The following BNC2 variants were observed in gnomAD, a reference collection of about 807,000 sequenced individuals.
The protein encoded by BNC2 is zinc finger protein basonuclin-2.
A neutral mutation model predicts 76.3 loss-of-function variants in BNC2; 20 were observed. The observed-to-expected ratio is 0.26, with a 90% CI of 0.18 to 0.38. The LOEUF (loss-of-function observed/expected upper bound fraction) is 0.38, where lower values mean the gene tolerates loss of function less well. Ranked by LOEUF, BNC2 falls within the 10% of genes least tolerant of loss-of-function variation. The probability of loss-of-function intolerance (pLI) is 1.00; values close to 1 mark genes in which losing one functional copy is unlikely to be tolerated. For missense variants in BNC2, 1,382 were observed against 1,399.8 expected, an observed-to-expected ratio of 0.99 and a Z score of 0.20; for synonymous variants, 582 against 514.8, an observed-to-expected ratio of 1.13 and a Z score of -1.77.
chr9:16,752,309 A>G (rs1029433808), intron 1 of BNC2, among the ~76,000 whole-genome samples: 8 of 152,326 alleles, frequency 5.3e-5, no homozygotes, highest in African/African-American at 1.7e-4. Context: ...CTTCCTTTTT[A>G]GATAGTCCAA....
chr9:16,429,904 A>C (rs751979188), intron 6 of BNC2: 2 of 507,208 alleles, frequency 3.9e-6, no homozygotes, highest in African/African-American at 3.9e-5. Flanking sequence ...GGCCAGCAGG[A>C]GGTCATTAGG....
chr9:16,596,537 G>T (rs1425937868), intron 3 of BNC2, among the ~76,000 whole-genome samples: 1 of 152,110 alleles, frequency 6.6e-6, no homozygotes, highest in African/African-American at 2.4e-5. Flanking sequence ...GATCTATGGA[G>T]ACATTTGGGA....
intron 3 of BNC2, among the ~76,000 whole-genome samples, chr9:16,610,799 T>C (rs1820523406): frequency 6.6e-6 from 1 of 152,168 alleles, no homozygotes; most frequent in Non-Finnish European, 1.5e-5. Context: ...TGCATACCCA[T>C]TTTCAAGATG....
intron 3 of BNC2, among the ~76,000 whole-genome samples, chr9:16,657,267 G>A (rs1013183618): frequency 6.6e-6 from 1 of 152,232 alleles, no homozygotes; most frequent in African/African-American, 2.4e-5. Flanking sequence ...ATACAAAGAT[G>A]AACTAGAAAA....
chr9:16,607,047 G>A (rs1041290328), intron 3 of BNC2, among the ~76,000 whole-genome samples: 19 of 151,816 alleles, frequency 1.3e-4, no homozygotes, highest in African/African-American at 4.1e-4. Flanking sequence ...TCCTGGGCTC[G>A]GGCGATCTTC....
Position 16,412,511 on chromosome 9 carries a change from T to G in BNC2, c.*6478A>C, listed in dbSNP as rs1267883056. The stretch of plus-strand genomic sequence containing the variant: ...ACCCATTACTCTCAAGATGGAATTG[T>G]TAACACTTAAGTTTTCAAAGAAGCA... On this transcript the variant is annotated 3_prime_UTR_variant, in exon 7 of 7. Coordinates refer to ENST00000380672, the MANE Select transcript of BNC2 (RefSeq NM_017637.6). 6.6e-6 allele frequency: 1 copy of G among 152,590 alleles called. No homozygotes were observed. Among genetic ancestry groups the G allele is most frequent in the East Asian group, 1.9e-4 (1 of 5,186 alleles). The allele number at this position is 152,590 out of a possible 1,614,324, so 9.5% of individuals were successfully genotyped here.
intron 3 of BNC2, among the ~76,000 whole-genome samples, chr9:16,629,657 C>T (rs1430501172): frequency 6.6e-6 from 1 of 152,120 alleles, no homozygotes; most frequent in Non-Finnish European, 1.5e-5. Context: ...TAAACCAAGT[C>T]ACATGATTTT....
rs1217549472 is a variant in BNC2 at position 16,417,775 on chromosome 9, G to T, written c.*1214C>A. The T allele has an allele frequency of 6.6e-6, 1 of 152,630 alleles. No individual in the cohort carries two copies. Among genetic ancestry groups the T allele is most frequent in the Non-Finnish European group, 1.5e-5 (1 of 68,038 alleles). 9.5% of individuals were successfully genotyped at this position (152,630 alleles called of 1,614,324 possible). ...CCTGAAATATTATCCTGCCTCTGAA[G>T]AATAAATGCCTTGGCTGTTTCACAC... is the stretch of plus-strand genomic sequence containing the variant. On this transcript the variant is annotated 3_prime_UTR_variant, in exon 7 of 7. Coordinates refer to ENST00000380672, the MANE Select transcript of BNC2 (RefSeq NM_017637.6).
At chr9:16,729,309 T>G (rs1824440511) in intron 2 of BNC2, among the ~76,000 whole-genome samples, 1 of 152,210 alleles carries the variant, frequency 6.6e-6, no homozygotes, top group Non-Finnish European at 1.5e-5. Flanking sequence ...TAAGGAACAT[T>G]AATCTTCAAC....
intron 3 of BNC2, among the ~76,000 whole-genome samples, chr9:16,638,555 G>A (rs1012233979): frequency 2.6e-5 from 4 of 151,992 alleles, no homozygotes; most frequent in Non-Finnish European, 4.4e-5. Context: ...TCAGGCTCAG[G>A]TTCTCCCCTG....
chr9:16,663,930 C>T (rs912727780), intron 3 of BNC2, among the ~76,000 whole-genome samples: 13 of 152,134 alleles, frequency 8.5e-5, no homozygotes, highest in Admixed American at 1.3e-4. Flanking sequence ...TAAAGTCTTG[C>T]TATATTAAAT....
At chr9:16,680,951 T>C (rs1459096519) in intron 3 of BNC2, among the ~76,000 whole-genome samples, 1 of 152,140 alleles carries the variant, frequency 6.6e-6, no homozygotes, top group Non-Finnish European at 1.5e-5. Flanking sequence ...TCAAACCAAA[T>C]AAGTTGAATT....
rs566188033 is a variant in BNC2 at position 16,844,920 on chromosome 9, G to C, written c.3+25726C>G. Among the ~76,000 whole-genome samples, 12 of 152,270 alleles carry C rather than the reference G, an allele frequency of 7.9e-5. No homozygotes were observed. In the East Asian group the frequency reaches 2.3e-3, roughly 29 times the overall value. On this transcript the variant is annotated intron_variant, in intron 1 of 6. Coordinates refer to ENST00000380672, the MANE Select transcript of BNC2 (RefSeq NM_017637.6). ...GCAATCCTGATGCTGCAGTGTCCCT[G>C]ACCCACTAAATAGCAGGAGGCAGCC...
intron 5 of BNC2, among the ~76,000 whole-genome samples, chr9:16,550,210 A>G (rs1053402314): frequency 9.2e-5 from 14 of 152,190 alleles, no homozygotes; most frequent in Non-Finnish European, 1.8e-4. Context: ...GAAGGCTCTG[A>G]ATGCGGCCCA....
intron 5 of BNC2, among the ~76,000 whole-genome samples, chr9:16,513,541 G>C (rs565111067): frequency 2.0e-5 from 3 of 151,994 alleles, no homozygotes; most frequent in Admixed American, 6.6e-5. Context: ...TCCTGACCTC[G>C]TGATCCTCCC....
chr9:16,419,793 C>T (rs1820673686), intron 6 of BNC2, 144 bp from the exon 7 acceptor site: 3 of 660,638 alleles, frequency 4.5e-6, no homozygotes, highest in Admixed American at 4.3e-5. Flanking sequence ...TAAAAGCAAG[C>T]ATTCCCCTAT....
rs141516055 is a variant in BNC2, at chr9:16,706,377, C to T, written c.330+21420G>A. 2.7e-3 allele frequency among the ~76,000 whole-genome samples: 408 copies of T among 152,224 alleles called. 2 individuals carry two copies. Among genetic ancestry groups the T allele is most frequent in the Middle Eastern group, 3.4e-3 (1 of 294 alleles). Reference sequence around the variant, plus strand: ...AGGCAATTCTAAAAAGCACAAAGTCCCCTCTTTTTGCCCTGACCTTGAGCT... The same window carrying T: ...AGGCAATTCTAAAAAGCACAAAGTCTCCTCTTTTTGCCCTGACCTTGAGCT... On this transcript the variant is annotated intron_variant, in intron 3 of 6. Transcript: ENST00000380672.
At chr9:16,703,286 C>A (rs560801840) in intron 3 of BNC2, among the ~76,000 whole-genome samples, 2 of 152,158 alleles carry the variant, frequency 1.3e-5, no homozygotes, top group African/African-American at 4.8e-5. Context: ...ACATTAACTA[C>A]TTTTTCTAGT....
chr9:16,507,575 C>T (rs534872442), intron 5 of BNC2, among the ~76,000 whole-genome samples: 2 of 152,242 alleles, frequency 1.3e-5, no homozygotes, highest in East Asian at 1.9e-4. Flanking sequence ...ACTACAGGCA[C>T]GCACCACCAT....
Sources: gnomAD v4.1 joint callset for allele counts (sites outside exome capture counted in the v4.1 genomes callset) on GRCh38, gnomAD v4.1.1 for gene constraint, MANE v1.5 for transcripts, NCBI Gene and HGNC (gene_info 2026-07-23, HGNC 2026-07-21) for gene names.